Variants in RPS6KA5 observed in about 807,000 individuals in gnomAD.
RPS6KA5 encodes the protein ribosomal protein S6 kinase alpha-5.
A neutral mutation model predicts 85.5 loss-of-function variants in RPS6KA5; 27 were observed. The observed-to-expected ratio is 0.32, with a 90% confidence interval of 0.23 to 0.44. The LOEUF is 0.44. RPS6KA5 is among the 20% of genes least tolerant of loss of function. RPS6KA5 has a pLI of 1.00. For missense variants in RPS6KA5, 811 were observed against 980.9 expected (o/e 0.83, Z 2.31); for synonymous variants, 334 against 348.2 (o/e 0.96, Z 0.46).
At chr14:90,978,637 G>T (rs191240193) in intron 2 of RPS6KA5, 113 bp from the exon 3 acceptor site, 1 of 695,104 alleles carries the variant, frequency 1.4e-6, no homozygotes, top group South Asian at 2.2e-5. Flanking sequence ...AAAGGAAAAA[G>T]TACCCTTGGT....
intron 1 of RPS6KA5, among the ~76,000 whole-genome samples, chr14:91,042,574 C>A (rs1287196464): frequency 6.6e-6 from 1 of 152,158 alleles, no homozygotes; most frequent in East Asian, 1.9e-4. Flanking sequence ...CTATTTTTCT[C>A]TTTTTGGATA....
chr14:90,874,052 A>G (rs2033295338), intron 15 of RPS6KA5, among the ~76,000 whole-genome samples: 1 of 152,228 alleles, frequency 6.6e-6, no homozygotes, highest in South Asian at 2.1e-4. Flanking sequence ...ATAAACATCC[A>G]AAACAAAGAT....
At chr14:90,959,019 T>C (rs1406227167) in intron 3 of RPS6KA5, among the ~76,000 whole-genome samples, 1 of 151,762 alleles carries the variant, frequency 6.6e-6, no homozygotes, top group Non-Finnish European at 1.5e-5. Flanking sequence ...AGAAGTAACA[T>C]CCAGTACAAA....
intron 7 of RPS6KA5, among the ~76,000 whole-genome samples, chr14:90,917,455 T>G (rs1278627629): frequency 6.6e-6 from 1 of 152,178 alleles, no homozygotes; most frequent in Non-Finnish European, 1.5e-5. Context: ...CTAAGTTTGA[T>G]AAGTTTTGAC....
At chr14:91,017,790 A>C (rs148025763) in intron 1 of RPS6KA5, among the ~76,000 whole-genome samples, 9 of 152,296 alleles carry the variant, frequency 5.9e-5, no homozygotes, top group Non-Finnish European at 7.4e-5. Context: ...CTTAGTTCCA[A>C]GGGCAAGATG....
intron 2 of RPS6KA5, among the ~76,000 whole-genome samples, chr14:90,984,614 T>C (rs963817201): frequency 2.0e-5 from 3 of 152,210 alleles, no homozygotes; most frequent in East Asian, 1.9e-4. Flanking sequence ...AAATAATATA[T>C]ACTGAACCAA....
At chr14:91,056,999 C>T (rs2043350629) in intron 1 of RPS6KA5, among the ~76,000 whole-genome samples, 1 of 150,148 alleles carries the variant, frequency 6.7e-6, no homozygotes, top group South Asian at 2.1e-4. Context: ...CCTGCCTCAG[C>T]CTCCCGAGTA....
At chr14:91,020,950 G>A (rs1041020448) in intron 1 of RPS6KA5, among the ~76,000 whole-genome samples, 1 of 151,992 alleles carries the variant, frequency 6.6e-6, no homozygotes, top group African/African-American at 2.4e-5. Flanking sequence ...GGTGATGTGT[G>A]CTTTGCAGGT....
intron 14 of RPS6KA5, among the ~76,000 whole-genome samples, chr14:90,886,960 G>A (rs909731833): frequency 6.6e-6 from 1 of 152,084 alleles, no homozygotes; most frequent in African/African-American, 2.4e-5. Flanking sequence ...CCACATACAT[G>A]TTTATTAGAT....
At chr14:91,057,605 A>G (rs1425744197) in intron 1 of RPS6KA5, among the ~76,000 whole-genome samples, 2 of 152,242 alleles carry the variant, frequency 1.3e-5, no homozygotes, top group Admixed American at 1.3e-4. Flanking sequence ...TACACTCTAC[A>G]TGAGAAGACT....
At chr14:90,986,662 T>C (rs1220511000) in intron 2 of RPS6KA5, among the ~76,000 whole-genome samples, 2 of 152,180 alleles carry the variant, frequency 1.3e-5, no homozygotes, top group Non-Finnish European at 2.9e-5. Context: ...CCAGCTGCTG[T>C]GAGTGTTGGC....
At chr14:90,964,688 A>T (rs1347424121) in intron 3 of RPS6KA5, among the ~76,000 whole-genome samples, 2 of 152,070 alleles carry the variant, frequency 1.3e-5, no homozygotes, top group Admixed American at 6.6e-5. Context: ...CTGAGATGGG[A>T]GGATCACTTG....
chr14:91,020,193 GT>G (rs1365464320), intron 1 of RPS6KA5, among the ~76,000 whole-genome samples: 109 of 33,566 alleles, frequency 3.2e-3, no homozygotes, highest in Non-Finnish European at 4.5e-3. Flanking sequence ...TTATGTGGGT[GT>G]GTGTGTGTGT....
chr14:90,862,836 G>A lies in RPS6KA5; in HGVS notation c.*9238C>T, dbSNP rs1052222023. 4 of 151,888 alleles carry A rather than the reference G, an allele frequency of 2.6e-5. No individual in the cohort carries two copies. Among genetic ancestry groups the A allele is most frequent in the African/African-American group, 9.7e-5 (4 of 41,332 alleles). The allele number at this position is 151,888 out of a possible 1,614,324, so 9.4% of individuals were successfully genotyped here. On this transcript the variant is annotated 3_prime_UTR_variant, in exon 17 of 17. Transcript: ENST00000614987. ...AACTATATCCATTGATATATGAAAA[G>A]GGCAATACATCATGAAAATGGAATT... is the stretch of plus-strand genomic sequence containing the variant.
chr14:90,879,571 C>T (rs2033693389), intron 14 of RPS6KA5, among the ~76,000 whole-genome samples: 1 of 152,152 alleles, frequency 6.6e-6, no homozygotes, highest in African/African-American at 2.4e-5. Context: ...TGCTTCCTGG[C>T]TCTGCTCAGA....
chr14:90,956,964 G>GTT (rs61106740), intron 3 of RPS6KA5, among the ~76,000 whole-genome samples: 25 of 123,358 alleles, frequency 2.0e-4, no homozygotes, highest in Non-Finnish European at 2.7e-4. Context: ...CTGTTTTTCT[G>GTT]TTTTTTTTTT....
intron 2 of RPS6KA5, among the ~76,000 whole-genome samples, chr14:90,993,299 C>T (rs979482111): frequency 6.6e-6 from 1 of 152,040 alleles, no homozygotes; most frequent in African/African-American, 2.4e-5. Context: ...AATTAGCCAG[C>T]CATGGTGGCA....
chr14:90,963,860 A>G (rs1308664201), intron 3 of RPS6KA5, among the ~76,000 whole-genome samples: 1 of 152,172 alleles, frequency 6.6e-6, no homozygotes, highest in African/African-American at 2.4e-5. Context: ...ATGTTCACCG[A>G]GGAGTAGATT....
intron 1 of RPS6KA5, among the ~76,000 whole-genome samples, chr14:91,044,657 A>T (rs2042794048): frequency 6.6e-6 from 1 of 152,036 alleles, no homozygotes; most frequent in Admixed American, 6.5e-5. Context: ...GTGAATCACG[A>T]GGTCAGCAGT....
Sources: allele counts gnomAD v4.1 joint callset (sites outside exome capture counted in the v4.1 genomes callset), GRCh38; gene constraint gnomAD v4.1.1; transcripts MANE v1.5; gene names NCBI Gene and HGNC (gene_info 2026-07-23, HGNC 2026-07-21).